Variants in ZNF804A observed in about 807,000 individuals in gnomAD.
ZNF804A encodes zinc finger protein 804A.
Under a neutral mutation model 16.5 loss-of-function variants are expected in ZNF804A, and 2 were observed. The observed-to-expected ratio is 0.12, with a 90% confidence interval of 0.05 to 0.38. The LOEUF is 0.38. Among genes scored for constraint, ZNF804A ranks in the 10% least tolerant of loss-of-function variants. ZNF804A has a pLI of 0.99. For synonymous variants in ZNF804A, 534 were observed against 489.6 expected (o/e 1.09, Z -1.20); for missense variants, 1,473 against 1,390.7 (o/e 1.06, Z -0.94).
At chr2:184,785,421 A>G (rs1694432302) in intron 1 of ZNF804A, among the ~76,000 whole-genome samples, 1 of 152,030 alleles carries the variant, frequency 6.6e-6, no homozygotes, top group African/African-American at 2.4e-5. Flanking sequence ...GCCATGAATA[A>G]CTATTAATTT....
At chr2:184,864,036 A>G (rs1468805589) in intron 1 of ZNF804A, among the ~76,000 whole-genome samples, 3 of 152,152 alleles carry the variant, frequency 2.0e-5, no homozygotes, top group African/African-American at 7.2e-5. Context: ...GTGATTTATC[A>G]CTGTCTTAGT....
intron 1 of ZNF804A, among the ~76,000 whole-genome samples, chr2:184,743,575 T>C (rs945290063): frequency 6.6e-6 from 1 of 151,928 alleles, no homozygotes; most frequent in Non-Finnish European, 1.5e-5. Context: ...AACTTTAAAA[T>C]TCTAAATGAA....
chr2:184,807,227 C>T (rs529550967), intron 1 of ZNF804A, among the ~76,000 whole-genome samples: 18 of 151,888 alleles, frequency 1.2e-4, no homozygotes, highest in East Asian at 3.9e-4. Context: ...AATTGCAGGA[C>T]GCAAAGCCTA....
At chr2:184,729,892 A>T (rs2105746794) in intron 1 of ZNF804A, among the ~76,000 whole-genome samples, 1 of 152,222 alleles carries the variant, frequency 6.6e-6, no homozygotes, top group African/African-American at 2.4e-5. Flanking sequence ...GGCATTGAAT[A>T]TTATCCTTAG....
At chr2:184,652,375 A>C (rs1355427216) in intron 1 of ZNF804A, among the ~76,000 whole-genome samples, 1 of 152,170 alleles carries the variant, frequency 6.6e-6, no homozygotes, top group Non-Finnish European at 1.5e-5. Flanking sequence ...TCGTACTCCA[A>C]ACCTCAGCAA....
chr2:184,777,322 C>G (rs1353753665), intron 1 of ZNF804A, among the ~76,000 whole-genome samples: 1 of 151,694 alleles, frequency 6.6e-6, no homozygotes, highest in East Asian at 1.9e-4. Flanking sequence ...CCTTCAGTGT[C>G]TTAGTTTACA....
At chr2:184,705,833 A>T (rs1693019136) in intron 1 of ZNF804A, among the ~76,000 whole-genome samples, 1 of 152,166 alleles carries the variant, frequency 6.6e-6, no homozygotes, top group Non-Finnish European at 1.5e-5. Flanking sequence ...AACACAAAAA[A>T]TCATGGCTTT....
chr2:184,829,461 A>T lies in ZNF804A; in HGVS notation c.112-36908A>T, dbSNP rs184619618. On this transcript the variant is annotated intron_variant, in intron 1 of 3. Coordinates refer to ENST00000302277, the MANE Select transcript of ZNF804A (RefSeq NM_194250.2). The stretch of plus-strand genomic sequence containing the variant: ...TATTTTTTTATTCTTCAAGCAATGT[A>T]TTCTGTATATGTTAGAGGGCATTTT... 2.4e-3 allele frequency among the ~76,000 whole-genome samples: 359 copies of T among 152,086 alleles called. 2 individuals are homozygous for T. The highest frequency in any genetic ancestry group is 0.01 in the Middle Eastern group (3 of 294).
At chr2:184,887,470 T>A (rs1398611417) in intron 2 of ZNF804A, among the ~76,000 whole-genome samples, 1 of 152,174 alleles carries the variant, frequency 6.6e-6, no homozygotes, top group Non-Finnish European at 1.5e-5. Flanking sequence ...CAAACCCCAC[T>A]CTTGACACCA....
intron 2 of ZNF804A, among the ~76,000 whole-genome samples, chr2:184,899,373 T>A (rs1020419998): frequency 6.6e-5 from 10 of 151,998 alleles, no homozygotes; most frequent in African/African-American, 1.2e-4. Flanking sequence ...AATAGGATAA[T>A]TTTTTAAATG....
intron 1 of ZNF804A, among the ~76,000 whole-genome samples, chr2:184,829,928 A>AAAAAAAAAAAAAAAC (rs1695234543): frequency 1.1e-5 from 1 of 87,212 alleles, no homozygotes; most frequent in Non-Finnish European, 2.1e-5. Flanking sequence ...AAAAACAAAA[A>AAAAAAAAAAAAAAAC]CAAAAAAAAA....
intron 1 of ZNF804A, among the ~76,000 whole-genome samples, chr2:184,845,034 T>A (rs1265755611): frequency 6.6e-6 from 1 of 152,042 alleles, no homozygotes; most frequent in Admixed American, 6.6e-5. Flanking sequence ...ATTTAAGGTA[T>A]ATTTAATTTC....
intron 1 of ZNF804A, among the ~76,000 whole-genome samples, chr2:184,617,374 AT>A (rs1691342567): frequency 6.6e-6 from 1 of 152,020 alleles, no homozygotes; most frequent in Non-Finnish European, 1.5e-5. Flanking sequence ...TTTTAAAACC[AT>A]TGTGTTGAAT....
intron 1 of ZNF804A, among the ~76,000 whole-genome samples, chr2:184,658,231 C>T (rs1559119432): frequency 6.6e-6 from 1 of 152,182 alleles, no homozygotes; most frequent in Non-Finnish European, 1.5e-5. Context: ...CGCCTGTAAT[C>T]CCTGCACTTT....
intron 1 of ZNF804A, among the ~76,000 whole-genome samples, chr2:184,748,804 G>A (rs1469227555): frequency 4.6e-5 from 7 of 151,446 alleles, no homozygotes; most frequent in African/African-American, 1.7e-4. Context: ...TTCTGCATAT[G>A]GTTAGCCAGT....
intron 2 of ZNF804A, among the ~76,000 whole-genome samples, chr2:184,926,132 A>G (rs1481683847): frequency 6.6e-6 from 1 of 152,066 alleles, no homozygotes; most frequent in Admixed American, 6.6e-5. Flanking sequence ...TTGCTCATTA[A>G]CAACCTTTTC....
intron 1 of ZNF804A, among the ~76,000 whole-genome samples, chr2:184,831,970 T>C (rs1290278948): frequency 1.3e-5 from 2 of 152,024 alleles, no homozygotes; most frequent in African/African-American, 4.8e-5. Context: ...AGTTTTTCTC[T>C]CTTACCATAT....
chr2:184,738,280 A>T (rs912092861), intron 1 of ZNF804A, among the ~76,000 whole-genome samples: 1 of 150,868 alleles, frequency 6.6e-6, no homozygotes, highest in African/African-American at 2.4e-5. Context: ...GAGCACTGCT[A>T]AAAAAAAAGG....
Position 184,866,458 on chromosome 2 carries a change from T to C in ZNF804A, c.201T>C (p.Tyr67=), listed in dbSNP as rs147823263. ...FYCELCDKQY[Y]KHQEFDNHIN... ...GTGAACTCTGTGACAAGCAGTACTA[T>C]AAGCACCAGGAGTTTGACAATCACA... The change falls in exon 2 of 4, where the codon TAT becomes TAC. Residue 67 remains tyrosine (Y), a synonymous_variant. Coordinates refer to ENST00000302277, the MANE Select transcript of ZNF804A (RefSeq NM_194250.2). 4.3e-6 allele frequency: 7 copies of C among 1,613,044 alleles called. No homozygotes were observed. The highest frequency in any genetic ancestry group is 3.3e-5 in the South Asian group (3 of 91,016).
Sources: gnomAD v4.1 joint callset for allele counts (sites outside exome capture counted in the v4.1 genomes callset) on GRCh38, gnomAD v4.1.1 for gene constraint, MANE v1.5 for transcripts, NCBI Gene and HGNC (gene_info 2026-07-23, HGNC 2026-07-21) for gene names.